NREP: variants seen among roughly 807,000 people sequenced by gnomAD.
NREP encodes neuronal regeneration-related protein.
NREP carries 5 observed loss-of-function variants against 8.6 expected under a neutral mutation model. The ratio of observed to expected loss-of-function variants is 0.58; its 90% confidence interval spans 0.30 to 1.22. The LOEUF is 1.22. Ranked by LOEUF, NREP falls within the 50% of genes most tolerant of loss-of-function variation. NREP has a pLI of 0.07. For synonymous variants in NREP, 27 were observed against 28.0 expected, an observed-to-expected ratio of 0.96 and a Z score of 0.11; for missense variants, 86 against 82.5, an observed-to-expected ratio of 1.04 and a Z score of -0.17.
chr5:111,766,085 T>A (rs1444577490), intron 2 of NREP, among the ~76,000 whole-genome samples: 1 of 152,218 alleles, frequency 6.6e-6, no homozygotes, highest in Non-Finnish European at 1.5e-5. Flanking sequence ...TACAGTTCCT[T>A]TTAAAACTGC....
At chr5:111,801,452 C>T (rs1230136292) in intron 2 of NREP, among the ~76,000 whole-genome samples, 1 of 152,130 alleles carries the variant, frequency 6.6e-6, no homozygotes, top group Admixed American at 6.6e-5. Flanking sequence ...CTGTATTCAC[C>T]AATCACTTAT....
chr5:111,880,832 G>A (rs1458018689), intron 2 of NREP, among the ~76,000 whole-genome samples: 1 of 148,748 alleles, frequency 6.7e-6, no homozygotes, highest in Non-Finnish European at 1.5e-5. Flanking sequence ...AACATCCCAG[G>A]CTCATAGAGG....
chr5:111,853,510 A>G (rs1373696056), intron 2 of NREP, among the ~76,000 whole-genome samples: 2 of 152,122 alleles, frequency 1.3e-5, no homozygotes, highest in Non-Finnish European at 2.9e-5. Flanking sequence ...AGAACCCTCT[A>G]TGCTTTTCAT....
At chr5:111,872,330 G>T (rs1396213874) in intron 2 of NREP, among the ~76,000 whole-genome samples, 1 of 152,142 alleles carries the variant, frequency 6.6e-6, no homozygotes, top group Non-Finnish European at 1.5e-5. Context: ...CAAGTCTTCA[G>T]CTGATTGGGT....
chr5:111,880,805 T>C (rs1052284509), intron 2 of NREP, among the ~76,000 whole-genome samples: 6 of 145,216 alleles, frequency 4.1e-5, no homozygotes, highest in African/African-American at 1.3e-4. Context: ...GCCGTGATCA[T>C]GGCTCATTGC....
At chr5:111,742,011 G>GGTAA (rs1355431110) in intron 2 of NREP, among the ~76,000 whole-genome samples, 2 of 152,216 alleles carry the variant, frequency 1.3e-5, no homozygotes, top group East Asian at 3.9e-4. Context: ...TTCATTGCCT[G>GGTAA]GTAAGTCCTT....
chr5:111,784,380 G>A (rs1751561754), intron 2 of NREP, among the ~76,000 whole-genome samples: 1 of 152,178 alleles, frequency 6.6e-6, no homozygotes, highest in Admixed American at 6.6e-5. Flanking sequence ...AAGAAAAGAA[G>A]CATGAATCTT....
intron 2 of NREP, among the ~76,000 whole-genome samples, chr5:111,842,531 T>C (rs1312512068): frequency 6.6e-6 from 1 of 152,216 alleles, no homozygotes; most frequent in East Asian, 1.9e-4. Flanking sequence ...ACAATTCACA[T>C]ATTTTATATT....
intron 2 of NREP, among the ~76,000 whole-genome samples, chr5:111,937,512 G>T (rs1046311983): frequency 6.6e-6 from 1 of 152,002 alleles, no homozygotes; most frequent in African/African-American, 2.4e-5. Flanking sequence ...TGAACTTGCA[G>T]CTATCTAACT....
intron 2 of NREP, among the ~76,000 whole-genome samples, chr5:111,786,583 T>C (rs560500442): frequency 6.6e-6 from 1 of 152,318 alleles, no homozygotes; most frequent in Admixed American, 6.5e-5. Flanking sequence ...GTTTCTCAGA[T>C]ATAAAGATTT....
chr5:111,889,987 A>C lies in NREP; in HGVS notation c.135+85287T>G, dbSNP rs147371011. ...AGTTAGGGTGGGACAGGAACAAATC[A>C]CAATGGTGGAAGGTCATCAGTTAAG... On this transcript the variant is annotated intron_variant, in intron 2 of 3. Transcript: ENST00000395634. Among the ~76,000 whole-genome samples, 1,441 of 152,294 alleles carry C rather than the reference A, an allele frequency of 9.5e-3. 25 individuals are homozygous for C. The highest frequency in any genetic ancestry group is 0.033 in the African/African-American group (1,376 of 41,554).
chr5:111,895,157 G>A (rs1352802924), intron 2 of NREP, among the ~76,000 whole-genome samples: 2 of 152,212 alleles, frequency 1.3e-5, no homozygotes, highest in African/African-American at 4.8e-5. Context: ...GTTTGTTACA[G>A]AATGGTGTGT....
chr5:111,843,958 T>C (rs1753094745), intron 2 of NREP, among the ~76,000 whole-genome samples: 1 of 152,212 alleles, frequency 6.6e-6, no homozygotes, highest in Non-Finnish European at 1.5e-5. Context: ...ATTCTCAGAT[T>C]TGATTTCCTA....
intron 2 of NREP, among the ~76,000 whole-genome samples, chr5:111,846,799 G>C (rs1052657519): frequency 6.6e-6 from 1 of 152,110 alleles, no homozygotes; most frequent in Non-Finnish European, 1.5e-5. Context: ...TTGTTTACCA[G>C]ATTTCTTTCA....
intron 3 of NREP, chr5:111,733,438 CTGCATT>C (rs1748797335): frequency 1.3e-5 from 2 of 152,042 alleles, no homozygotes; most frequent in Non-Finnish European, 2.9e-5. Context: ...CTATGGAGTC[CTGCATT>C]TACTAGATTT....
chr5:111,893,111 T>A (rs986119631), intron 2 of NREP, among the ~76,000 whole-genome samples: 1 of 152,168 alleles, frequency 6.6e-6, no homozygotes, highest in African/African-American at 2.4e-5. Flanking sequence ...CAGCCAGATC[T>A]TCCTGTCTAG....
chr5:111,753,023 A>C (rs566482811), intron 2 of NREP, among the ~76,000 whole-genome samples: 2 of 152,288 alleles, frequency 1.3e-5, no homozygotes, highest in South Asian at 4.1e-4. Flanking sequence ...AATGTAAATT[A>C]AAGAAATGCT....
intron 2 of NREP, among the ~76,000 whole-genome samples, chr5:111,964,530 C>A (rs748872673): frequency 6.6e-6 from 1 of 151,950 alleles, no homozygotes; most frequent in Non-Finnish European, 1.5e-5. Flanking sequence ...CCATGCCTGG[C>A]TAAAAATTTT....
At chr5:111,830,029 T>C (rs1186244978) in intron 2 of NREP, among the ~76,000 whole-genome samples, 1 of 152,152 alleles carries the variant, frequency 6.6e-6, no homozygotes, top group Non-Finnish European at 1.5e-5. Flanking sequence ...CAGGAAAACT[T>C]TCCTAGATCT....
Sources: allele counts gnomAD v4.1 joint callset (sites outside exome capture counted in the v4.1 genomes callset), GRCh38; gene constraint gnomAD v4.1.1; transcripts MANE v1.5; gene names NCBI Gene and HGNC (gene_info 2026-07-23, HGNC 2026-07-21).